FAM135B: variants seen among roughly 807,000 people sequenced by gnomAD.
The protein encoded by FAM135B is protein FAM135B.
A neutral mutation model predicts 127.7 loss-of-function variants in FAM135B; 43 were observed. The observed-to-expected ratio is 0.34, with a 90% CI of 0.26 to 0.43. FAM135B has a LOEUF of 0.43. FAM135B is among the 20% of genes least tolerant of loss of function. The probability of loss-of-function intolerance (pLI) is 1.00; values close to 1 mark genes in which losing one functional copy is unlikely to be tolerated. For synonymous variants in FAM135B, 670 were observed against 665.1 expected (o/e 1.01, Z -0.11); for missense variants, 1,558 against 1,725.6 (o/e 0.90, Z 1.72).
At chr8:138,198,516 T>C (rs1420695653) in intron 7 of FAM135B, among the ~76,000 whole-genome samples, 3 of 152,130 alleles carry the variant, frequency 2.0e-5, no homozygotes, top group African/African-American at 7.2e-5. Flanking sequence ...TAGGTCGTGC[T>C]GAAAAGGAGG....
chr8:138,425,955 C>G (rs1834818534), intron 1 of FAM135B, among the ~76,000 whole-genome samples: 2 of 112,148 alleles, frequency 1.8e-5, no homozygotes, highest in Non-Finnish European at 3.7e-5. Flanking sequence ...TCGAGACCAG[C>G]CAGGCCAACA....
At chr8:138,184,913 G>A (rs1237927169) in intron 9 of FAM135B, among the ~76,000 whole-genome samples, 1 of 152,170 alleles carries the variant, frequency 6.6e-6, no homozygotes, top group African/African-American at 2.4e-5. Flanking sequence ...AGATCCCCAG[G>A]TAATTCATGT....
At position 138,404,650 on chromosome 8, in the gene FAM135B, C is replaced by T. The variant is rs1024164571; in HGVS notation, c.-19-36648G>A. Among the ~76,000 whole-genome samples the T allele has an allele frequency of 2.6e-5, 4 of 152,142 alleles. No homozygotes were observed. The South Asian group carries it at 8.3e-4, about 32-fold the overall frequency. ...TATTTTAAATCCTCTGTTGTCATTT[C>T]AACAATGACAACGACTTCACCAGGA... On this transcript the variant is annotated intron_variant, in intron 1 of 19. Transcript: ENST00000395297.
chr8:138,401,605 C>T (rs925712753), intron 1 of FAM135B, among the ~76,000 whole-genome samples: 1 of 152,124 alleles, frequency 6.6e-6, no homozygotes, highest in African/African-American at 2.4e-5. Flanking sequence ...TCTCAGCCTT[C>T]AACAAATAAG....
chr8:138,314,641 C>A (rs1444721666), intron 2 of FAM135B, among the ~76,000 whole-genome samples: 3 of 150,226 alleles, frequency 2.0e-5, no homozygotes, highest in Admixed American at 6.6e-5. Flanking sequence ...GAGGCCGAGG[C>A]TGGAGAATTG....
chr8:138,393,039 G>A (rs1298496847), intron 1 of FAM135B, among the ~76,000 whole-genome samples: 1 of 152,170 alleles, frequency 6.6e-6, no homozygotes, highest in Non-Finnish European at 1.5e-5. Context: ...GTGAGGAGGA[G>A]CAAGTCACGT....
At chr8:138,458,051 T>C (rs1224692087) in intron 1 of FAM135B, among the ~76,000 whole-genome samples, 7 of 150,562 alleles carry the variant, frequency 4.6e-5, no homozygotes, top group Admixed American at 2.6e-4. Context: ...ACATGAGAGG[T>C]TGAGACACGA....
At chr8:138,487,628 T>TGG (rs1815029707) in intron 1 of FAM135B, among the ~76,000 whole-genome samples, 1 of 111,072 alleles carries the variant, frequency 9.0e-6, no homozygotes, top group African/African-American at 3.7e-5. Flanking sequence ...AAGCCCTAGG[T>TGG]GTGTGTGGGG....
chr8:138,256,269 G>A (rs142955787), intron 5 of FAM135B, among the ~76,000 whole-genome samples: 220 of 152,238 alleles, frequency 1.4e-3, no homozygotes, highest in Admixed American at 4.6e-3. Flanking sequence ...AAGTTTCAGA[G>A]TTGAAACATA....
intron 1 of FAM135B, among the ~76,000 whole-genome samples, chr8:138,493,989 A>G (rs7838301): frequency 0.32 from 48,931 of 152,056 alleles, 13,838 homozygotes; most frequent in African/African-American, 0.77. Flanking sequence ...TGAAGCGAGA[A>G]AAAGATATTT....
At chr8:138,166,364 A>G (rs551342597) in intron 12 of FAM135B, among the ~76,000 whole-genome samples, 1 of 152,336 alleles carries the variant, frequency 6.6e-6, no homozygotes, top group African/African-American at 2.4e-5. Context: ...TCCATTAACA[A>G]ACTCTGTGTG....
chr8:138,470,655 TA>T (rs1414189747), intron 1 of FAM135B, among the ~76,000 whole-genome samples: 1 of 151,890 alleles, frequency 6.6e-6, no homozygotes, highest in African/African-American at 2.4e-5. Flanking sequence ...TAATTAAAAC[TA>T]AATATTATAA....
intron 5 of FAM135B, among the ~76,000 whole-genome samples, chr8:138,252,181 A>T (rs1434160347): frequency 6.6e-6 from 1 of 152,174 alleles, no homozygotes; most frequent in Non-Finnish European, 1.5e-5. Context: ...ATTCTTTTTA[A>T]TTCAGGCTAC....
intron 1 of FAM135B, among the ~76,000 whole-genome samples, chr8:138,435,024 C>T (rs1835383338): frequency 6.6e-6 from 1 of 152,166 alleles, no homozygotes; most frequent in Admixed American, 6.5e-5. Context: ...AAGCCACACG[C>T]CAGCCAGGCG....
chr8:138,137,811 C>G (rs935047214), intron 18 of FAM135B, among the ~76,000 whole-genome samples: 7 of 152,110 alleles, frequency 4.6e-5, no homozygotes, highest in Non-Finnish European at 1.5e-5. Flanking sequence ...GACAGAGGGA[C>G]CCTTCAAATT....
At chr8:138,201,830 A>C (rs1817143038) in intron 7 of FAM135B, among the ~76,000 whole-genome samples, 1 of 152,222 alleles carries the variant, frequency 6.6e-6, no homozygotes, top group South Asian at 2.1e-4. Flanking sequence ...CAGGACAAAA[A>C]ATAGGCACCT....
chr8:138,178,251 GA>G (rs112388247), intron 10 of FAM135B, among the ~76,000 whole-genome samples: 22,379 of 131,906 alleles, frequency 0.17, 3,112 homozygotes, highest in African/African-American at 0.4. Flanking sequence ...CCATCTCAAA[GA>G]AAAAAAAAAA....
In FAM135B at chr8:138,322,088, C is replaced by G. The variant is rs149688304; in HGVS notation, c.78-11168G>C. Among the ~76,000 whole-genome samples, 555 of 152,324 alleles carry G rather than the reference C, an allele frequency of 3.6e-3. 1 individual carries two copies. Among genetic ancestry groups the G allele is most frequent in the South Asian group, 0.021 (101 of 4,826 alleles). On this transcript the variant is annotated intron_variant, in intron 2 of 19. Coordinates refer to ENST00000395297, the MANE Select transcript of FAM135B (RefSeq NM_015912.4). ...CCCAAGGATTCAAAACTTGCAGAGG[C>G]TCAGTTCCCTTATGTTTAAAGTATA... is the stretch of plus-strand genomic sequence containing the variant.
intron 12 of FAM135B, among the ~76,000 whole-genome samples, chr8:138,154,377 C>A (rs372554241): frequency 1.3e-5 from 2 of 152,108 alleles, no homozygotes; most frequent in East Asian, 1.9e-4. Context: ...AATCAGAGTG[C>A]CTCTTCTCCT....
Sources: gnomAD v4.1 joint callset for allele counts (sites outside exome capture counted in the v4.1 genomes callset) on GRCh38, gnomAD v4.1.1 for gene constraint, MANE v1.5 for transcripts, NCBI Gene and HGNC (gene_info 2026-07-23, HGNC 2026-07-21) for gene names.